PHRF1: variants seen among roughly 807,000 people sequenced by gnomAD.
The protein encoded by PHRF1 is PHD and ring finger domains 1.
PHRF1 carries 53 observed loss-of-function variants against 128.9 expected under a neutral mutation model. That is an observed-to-expected ratio of 0.41 (90% confidence interval 0.33 to 0.52). The LOEUF (loss-of-function observed/expected upper bound fraction) is 0.52. Ranked by LOEUF, PHRF1 falls within the 20% of genes least tolerant of loss-of-function variation. The probability of loss-of-function intolerance (pLI) is 0.21; values close to 1 mark genes in which losing one functional copy is unlikely to be tolerated. For missense variants in PHRF1, 2,503 were observed against 2,284.5 expected (o/e 1.10, Z -1.95); for synonymous variants, 1,178 against 980.6 (o/e 1.20, Z -3.76).
rs994774466 is a variant in PHRF1, at chr11:600,762, C to T, written c.1025-812C>T. On this transcript the variant is annotated intron_variant, in intron 9 of 17. Coordinates refer to ENST00000264555, the MANE Select transcript of PHRF1 (RefSeq NM_001286581.2). Reference sequence around the variant, plus strand: ...TGGGCGGATCACGAGGTCAGGAGATCGAGACCATCCTGGCTAACACGGTGA... The same window carrying T: ...TGGGCGGATCACGAGGTCAGGAGATTGAGACCATCCTGGCTAACACGGTGA... 1.1e-4 allele frequency among the ~76,000 whole-genome samples: 16 copies of T among 151,928 alleles called. No homozygotes were observed. The South Asian group carries it at 2.7e-3, about 26-fold the overall frequency.
intron 3 of PHRF1, among the ~76,000 whole-genome samples, chr11:585,773 C>T (rs1482330830): frequency 1.3e-5 from 2 of 150,454 alleles, no homozygotes; most frequent in Non-Finnish European, 2.9e-5. Flanking sequence ...CTCTGCGTCC[C>T]AGGTTCACGC....
intron 6 of PHRF1, among the ~76,000 whole-genome samples, chr11:594,868 C>T (rs892362699): frequency 2.0e-5 from 3 of 147,626 alleles, no homozygotes; most frequent in African/African-American, 7.6e-5. Context: ...TTCTTTCTAC[C>T]TACACTACTT....
chr11:600,874 G>A (rs550913041), intron 9 of PHRF1, among the ~76,000 whole-genome samples: 6 of 152,318 alleles, frequency 3.9e-5, no homozygotes, highest in South Asian at 4.1e-4. Context: ...GCTGAGGCAG[G>A]AGAATGGCGT....
chr11:608,421 C>G lies in PHRF1; in HGVS notation c.2965C>G (p.Pro989Ala), dbSNP rs1350436312. The change falls in exon 14 of 18, where the codon CCC becomes GCC. Residue 989 changes from proline to alanine, a missense_variant. Coordinates refer to ENST00000264555, the MANE Select transcript of PHRF1 (RefSeq NM_001286581.2). ...AATHRVVELR[P>A]PSRSRSTSSS... ...CACCCACAGAGTCGTGGAGCTCAGG[C>G]CCCCTTCCCGGTCCCGCTCCACATC... 1.2e-6 allele frequency: 2 copies of G among 1,611,434 alleles called. No individual in the cohort carries two copies. The highest frequency in any genetic ancestry group is 1.7e-6 in the Non-Finnish European group (2 of 1,179,508).
intron 1 of PHRF1, among the ~76,000 whole-genome samples, chr11:580,295 G>C (rs1854130110): frequency 6.6e-6 from 1 of 152,230 alleles, no homozygotes; most frequent in South Asian, 2.1e-4. Flanking sequence ...TGAGGCCCTG[G>C]TGTGGAAGGA....
chr11:610,051 A>C lies in PHRF1; in HGVS notation c.4265-145A>C, dbSNP rs529632785. The C allele has an allele frequency of 8.1e-6, 9 of 1,112,340 alleles. No individual in the cohort carries two copies. The East Asian group carries it at 2.4e-4, about 30-fold the overall frequency. The allele number at this position is 1,112,340 out of a possible 1,614,324, so 68.9% of individuals were successfully genotyped here. A position where few individuals can be genotyped will look rare whatever the true frequency, so the allele number is the denominator to read the frequency against. The stretch of plus-strand genomic sequence containing the variant: ...TGGCTAGGAGCTGGCACACCTCGCA[A>C]CCTCCCCTTGGTGCTGGGGGTGGAT... On this transcript the variant is annotated intron_variant, in intron 14 of 17. Transcript: ENST00000264555.
chr11:590,374 C>T (rs1378953982), intron 4 of PHRF1, among the ~76,000 whole-genome samples: 1 of 152,158 alleles, frequency 6.6e-6, no homozygotes, highest in African/African-American at 2.4e-5. Context: ...GGCAGTGTCT[C>T]TTCAGTGCTA....
rs1048645939 is a variant in PHRF1, at chr11:597,317, C to T, written c.719-78C>T. 25 of 1,518,540 alleles carry T rather than the reference C, an allele frequency of 1.6e-5. No individual in the cohort carries two copies. Among genetic ancestry groups the T allele is most frequent in the East Asian group, 9.4e-5 (4 of 42,404 alleles). The allele number at this position is 1,518,540 out of a possible 1,614,324, so 94.1% of individuals were successfully genotyped here. A position where few individuals can be genotyped will look rare whatever the true frequency, so the allele number is the denominator to read the frequency against. On this transcript the variant is annotated intron_variant, in intron 7 of 17. Coordinates refer to ENST00000264555, the MANE Select transcript of PHRF1 (RefSeq NM_001286581.2). This position sits in a 1 kb window ranked among gnomAD's most constrained non-coding sequence, Gnocchi z 6.5. ...GCCCGAGCCAGGGCTGCTACTTGGC[C>T]GGCAGCCACAGGGGGAGCCGTTGGG...
chr11:588,843 A>G (rs577456523), intron 4 of PHRF1, among the ~76,000 whole-genome samples: 1 of 152,114 alleles, frequency 6.6e-6, no homozygotes, highest in African/African-American at 2.4e-5. Flanking sequence ...CAGTATAGAA[A>G]TCTTACAAAT....
At position 596,962 on chromosome 11, in the gene PHRF1, G is replaced by A; in HGVS notation, c.660G>A (p.Val220=). The A allele has an allele frequency of 1.2e-6, 2 of 1,613,878 alleles. No homozygotes were observed. Among genetic ancestry groups the A allele is most frequent in the Non-Finnish European group, 1.7e-6 (2 of 1,179,880 alleles). Reference sequence around the variant, plus strand: ...GCTTGGACCCCCCTCTCCAGGAGGTGCCGGTGGACGAGTGGTTCTGCCCGG... The same window carrying A: ...GCTTGGACCCCCCTCTCCAGGAGGTACCGGTGGACGAGTGGTTCTGCCCGG... ...MECLDPPLQE[V]PVDEWFCPEC... Residue 220 remains valine (V), a synonymous_variant, in exon 7 of 18, where the codon GTG becomes GTA. Coordinates refer to ENST00000264555, the MANE Select transcript of PHRF1 (RefSeq NM_001286581.2).
At chr11:580,590 T>C (rs947218798) in intron 1 of PHRF1, among the ~76,000 whole-genome samples, 1 of 152,218 alleles carries the variant, frequency 6.6e-6, no homozygotes, top group Non-Finnish European at 1.5e-5. Context: ...GCACCCTACG[T>C]GTCACTGAGG....
At position 608,618 on chromosome 11, in the gene PHRF1, C is replaced by T. The variant is rs1158236275; in HGVS notation, c.3162C>T (p.Ser1054=). The part of the protein sequence containing the change: ...RQRSKAKSRR[S]SSDRSSSRER... ...GGTCCAAGGCCAAGAGCCGGCGGTC[C>T]TCCAGTGACCGCTCCAGCAGCCGAG... The change falls in exon 14 of 18, where the codon TCC becomes TCT. Residue 1054 remains serine, a synonymous_variant. Coordinates refer to ENST00000264555, the MANE Select transcript of PHRF1 (RefSeq NM_001286581.2). The T allele has an allele frequency of 1.2e-6, 2 of 1,612,226 alleles. No homozygotes were observed. Among genetic ancestry groups the T allele is most frequent in the Admixed American group, 3.3e-5 (2 of 59,992 alleles).
At position 608,847 on chromosome 11, in the gene PHRF1, A is replaced by G; in HGVS notation, c.3391A>G (p.Arg1131Gly). 6.2e-7 allele frequency: 1 copy of G among 1,612,228 alleles called. No homozygotes were observed. Among genetic ancestry groups the G allele is most frequent in the Non-Finnish European group, 8.5e-7 (1 of 1,179,772 alleles). Residue 1131 changes from arginine (R) to glycine (G), a missense_variant, in exon 14 of 18, where the codon AGG (arginine) becomes GGG (glycine). Coordinates refer to ENST00000264555, the MANE Select transcript of PHRF1 (RefSeq NM_001286581.2). ...RECSPTSSLE[R>G]LCRHKHQRER... ...GTGCTCCCCCACCAGCAGCCTGGAG[A>G]GGCTCTGCAGGCACAAGCATCAGCG... is the stretch of plus-strand genomic sequence containing the variant.
At chr11:589,760 G>A (rs1429984458) in intron 4 of PHRF1, among the ~76,000 whole-genome samples, 1 of 152,232 alleles carries the variant, frequency 6.6e-6, no homozygotes, top group Non-Finnish European at 1.5e-5. Context: ...GTCTGCAAAC[G>A]GGCACGGAGC....
chr11:583,388 G>A (rs901460467), intron 3 of PHRF1, among the ~76,000 whole-genome samples: 4 of 151,216 alleles, frequency 2.6e-5, no homozygotes, highest in East Asian at 1.9e-4. Flanking sequence ...GTGGTGGTGC[G>A]TGCCTGTAAT....
Position 607,195 on chromosome 11 carries a change from G to T in PHRF1, c.1739G>T (p.Ser580Ile). The T allele has an allele frequency of 6.2e-7, 1 of 1,612,582 alleles. No homozygotes were observed. Among genetic ancestry groups the T allele is most frequent in the East Asian group, 2.2e-5 (1 of 44,856 alleles). The change falls in exon 14 of 18, where the codon AGC becomes ATC. Residue 580 changes from serine (S) to isoleucine (I), a missense_variant. Physicochemically the swap from Ser to Ile is moderately radical, Grantham distance 142. Coordinates refer to ENST00000264555, the MANE Select transcript of PHRF1 (RefSeq NM_001286581.2). ...GGCCCGTCAGGAAACAGGCCACAGA[G>T]CACAGGGCTCAGCTGTCAAGGCAGG... is the stretch of plus-strand genomic sequence containing the variant. The part of the protein sequence containing the change: ...AQGPSGNRPQ[S>I]TGLSCQGRSR...
rs150201351 is a variant in PHRF1 at position 608,248 on chromosome 11, G to T, written c.2792G>T (p.Arg931Leu). The T allele has an allele frequency of 6.2e-7, 1 of 1,609,670 alleles. No individual in the cohort carries two copies. The highest frequency in any genetic ancestry group is 8.5e-7 in the Non-Finnish European group (1 of 1,179,658). ...ACAGAGAGCCAGGGCCTGGCTGCCC[G>T]GCTGCGGAGGCCATCCCCCCCAGAG... ...EPTESQGLAA[R>L]LRRPSPPEPW... is the part of the protein sequence containing the mutation. Residue 931 changes from arginine (R) to leucine (L), a missense_variant, in exon 14 of 18, where the codon CGG becomes CTG. Physicochemically the swap from Arg to Leu is moderately radical, Grantham distance 102. Transcript: ENST00000264555.
Position 597,079 on chromosome 11 carries a change from G to T in PHRF1, c.718+59G>T, listed in dbSNP as rs1208125124. The stretch of plus-strand genomic sequence containing the variant: ...GGGCCTTCTCACTGTCCACTCTGCG[G>T]TCCCCGGGGTTAGGTTTGGCTGCTG... On this transcript the variant is annotated intron_variant, in intron 7 of 17. Transcript: ENST00000264555. This position sits in a 1 kb window ranked among gnomAD's most constrained non-coding sequence, Gnocchi z 6.5. 12 of 1,538,094 alleles carry T rather than the reference G, an allele frequency of 7.8e-6. No individual in the cohort carries two copies. The East Asian group carries it at 1.2e-4, about 15-fold the overall frequency.
chr11:581,901 C>T (rs1462244150), intron 2 of PHRF1, 61 bp from the exon 3 acceptor site: 12 of 1,498,576 alleles, frequency 8.0e-6, no homozygotes, highest in East Asian at 5.0e-5. Flanking sequence ...GCAAAGCAAC[C>T]TGCTCTCTGC....
Sources: gnomAD v4.1 joint callset for allele counts (sites outside exome capture counted in the v4.1 genomes callset) on GRCh38, gnomAD v4.1.1 for gene constraint, Gnocchi (gnomAD v3.1) non-coding constraint, MANE v1.5 for transcripts, NCBI Gene and HGNC (gene_info 2026-07-23, HGNC 2026-07-21) for gene names.